The following NDRG4 variants were observed in gnomAD, a reference collection of about 807,000 sequenced individuals.
The protein encoded by NDRG4 is protein NDRG4.
In NDRG4, 38 loss-of-function variants were observed where a neutral mutation model predicts 55.8. The ratio of observed to expected loss-of-function variants is 0.68; its 90% confidence interval spans 0.53 to 0.89. The LOEUF (loss-of-function observed/expected upper bound fraction) is 0.89. Ranked by LOEUF, NDRG4 falls within the 40% of genes least tolerant of loss-of-function variation. NDRG4 has a pLI of 0.00. For synonymous variants in NDRG4, 190 were observed against 182.7 expected (o/e 1.04, Z -0.32); for missense variants, 455 against 468.6 (o/e 0.97, Z 0.27).
At chr16:58,501,236 TC>T (rs2037055639) in intron 1 of NDRG4, 2 of 411,154 alleles carry the variant, frequency 4.9e-6, no homozygotes, top group Non-Finnish European at 8.4e-6. Flanking sequence ...GCAGACCCTG[TC>T]CCCTGAATTA....
chr16:58,504,327 A>G (rs567009711), intron 3 of NDRG4, 32 bp from the exon 4 acceptor site: 1 of 1,613,826 alleles, frequency 6.2e-7, no homozygotes, highest in African/African-American at 1.3e-5. Context: ...CTGAGGCCAC[A>G]CCTGGGCCCT....
intron 1 of NDRG4, among the ~76,000 whole-genome samples, chr16:58,470,974 T>G (rs1222395159): frequency 6.6e-6 from 1 of 151,152 alleles, no homozygotes; most frequent in Non-Finnish European, 1.5e-5. Context: ...GTGATATGAT[T>G]GCTTCAGCAA....
At chr16:58,510,250 G>A (rs1326778554) in intron 13 of NDRG4, among the ~76,000 whole-genome samples, 4 of 152,234 alleles carry the variant, frequency 2.6e-5, no homozygotes, top group African/African-American at 4.8e-5. Context: ...AAGCATTTGC[G>A]AGGTGAACGG....
chr16:58,464,402 C>A lies in NDRG4; in HGVS notation c.-24+605C>A. On this transcript the variant is annotated intron_variant, in intron 1 of 15. Coordinates refer to the NDRG4 transcript ENST00000258187. The surrounding 1 kb of genome is among the most constrained non-coding windows in gnomAD (Gnocchi z 4.8). ...CGAGCGCGCTGCCCCGACGCCGCCA[C>A]CCAGAGCCGGGCCGCGCCGGGCGCC... 2 of 1,372,736 alleles carry A rather than the reference C, an allele frequency of 1.5e-6. No homozygotes were observed. The highest frequency in any genetic ancestry group is 1.9e-6 in the Non-Finnish European group (2 of 1,066,172). 85.0% of individuals were successfully genotyped at this position (1,372,736 alleles called of 1,614,324 possible).
At chr16:58,477,188 G>C (rs144562968) in intron 1 of NDRG4, among the ~76,000 whole-genome samples, 7 of 151,486 alleles carry the variant, frequency 4.6e-5, no homozygotes, top group African/African-American at 1.7e-4. Flanking sequence ...GTATGTGTGT[G>C]TGTTAGTGTC....
intron 1 of NDRG4, among the ~76,000 whole-genome samples, chr16:58,479,474 G>T (rs991887584): frequency 6.6e-6 from 1 of 152,120 alleles, no homozygotes; most frequent in Admixed American, 6.6e-5. Context: ...ATAAATACCT[G>T]GACACAGAAT....
intron 1 of NDRG4, chr16:58,501,011 C>T (rs932487081): frequency 1.4e-5 from 18 of 1,245,474 alleles, no homozygotes; most frequent in Admixed American, 8.4e-5. Flanking sequence ...ACGCTGGAGC[C>T]GTGAAGCTGG....
intron 1 of NDRG4, chr16:58,487,741 G>GCCCT: frequency 6.6e-7 from 1 of 1,517,382 alleles, no homozygotes; most frequent in South Asian, 1.2e-5. Context: ...CCTCAACCTC[G>GCCCT]CCCTCCCTCC....
chr16:58,506,185 G>C (rs1324398628), intron 5 of NDRG4: 2 of 634,586 alleles, frequency 3.2e-6, no homozygotes, highest in East Asian at 6.1e-5. Flanking sequence ...TGGAAACAAT[G>C]ATAGAGATTC....
rs906008307 is a variant in NDRG4 at position 58,487,518 on chromosome 16, TA to T, written c.-23-224del. Among the ~76,000 whole-genome samples, 108 of 148,406 alleles carry T rather than the reference TA, an allele frequency of 7.3e-4. No individual in the cohort carries two copies. The highest frequency in any genetic ancestry group is 8.5e-4 in the African/African-American group (34 of 40,218). On this transcript the variant is annotated intron_variant, in intron 1 of 15. Transcript: ENST00000258187. ...CTGGGTGACAGAGTGAGACTCCGTG[TA>T]AAAAAAAAAAAAAGAAAAACGGAAA...
intron 1 of NDRG4, among the ~76,000 whole-genome samples, chr16:58,486,700 TACACACACACACACAC>T (rs56119933): frequency 0.015 from 1,959 of 128,124 alleles, 22 homozygotes; most frequent in Non-Finnish European, 0.022. Context: ...CACTGGCTCC[TACACACACACACACAC>T]ACACACACAC....
chr16:58,480,828 T>C (rs2034294578), intron 1 of NDRG4, among the ~76,000 whole-genome samples: 1 of 151,946 alleles, frequency 6.6e-6, no homozygotes. Context: ...GCCAACATGG[T>C]GAAACCCCAT....
intron 1 of NDRG4, chr16:58,501,754 T>C (rs1453361438): frequency 3.1e-6 from 1 of 319,542 alleles, no homozygotes; most frequent in Non-Finnish European, 6.4e-6. Flanking sequence ...CCTGATCACG[T>C]CACCTCAGGG....
chr16:58,508,008 G>A lies in NDRG4; in HGVS notation c.729+9G>A. On this transcript the variant is annotated intron_variant, in intron 10 of 14. Coordinates refer to ENST00000570248, the MANE Select transcript of NDRG4 (RefSeq NM_001242835.2). ...CCGCTGAGGACGGGGTGGTAAGTGA[G>A]GGGCTGTGGGCTCACTGGGGGTGGG... 1 of 1,554,708 alleles carries A rather than the reference G, an allele frequency of 6.4e-7. No individual in the cohort carries two copies. The highest frequency in any genetic ancestry group is 8.7e-7 in the Non-Finnish European group (1 of 1,145,926).
rs544299782 is a variant in NDRG4 at position 58,465,049 on chromosome 16, G to A, written c.-24+1252G>A. 476 of 1,270,244 alleles carry A rather than the reference G, an allele frequency of 3.7e-4. 2 individuals carry two copies. The highest frequency in any genetic ancestry group is 4.5e-4 in the Non-Finnish European group (441 of 978,812). The allele number at this position is 1,270,244 out of a possible 1,614,324, so 78.7% of individuals were successfully genotyped here. Reference sequence around the variant, plus strand: ...CCAGGGGGCAGTGGCTGGAGAGCAAGAGCGAACGGTCAGGAAGAGGAGGTG... The same window carrying A: ...CCAGGGGGCAGTGGCTGGAGAGCAAAAGCGAACGGTCAGGAAGAGGAGGTG... On this transcript the variant is annotated intron_variant, in intron 1 of 15. Transcript: ENST00000258187.
At chr16:58,488,051 T>C (rs915017838) in intron 2 of NDRG4, among the ~76,000 whole-genome samples, 1 of 152,014 alleles carries the variant, frequency 6.6e-6, no homozygotes, top group Non-Finnish European at 1.5e-5. Flanking sequence ...TCAGCCGTCT[T>C]TGAGGCTAAA....
chr16:58,501,206 G>T, intron 1 of NDRG4: 2 of 495,456 alleles, frequency 4.0e-6, no homozygotes, highest in African/African-American at 2.0e-5. Context: ...AGGTGACGAC[G>T]TCAGCACCTG....
chr16:58,510,717 G>A (rs1053483915), intron 14 of NDRG4, 34 bp downstream of exon 14: 20 of 1,531,230 alleles, frequency 1.3e-5, no homozygotes, highest in African/African-American at 2.7e-5. Flanking sequence ...ATGCATGGAC[G>A]CCCAGCCTCC....
Position 58,509,187 on chromosome 16 carries a change from C to T in NDRG4, c.811C>T (p.Gln271Ter). The T allele has an allele frequency of 6.2e-7, 1 of 1,614,048 alleles. No individual in the cohort carries two copies. Among genetic ancestry groups the T allele is most frequent in the Non-Finnish European group, 8.5e-7 (1 of 1,180,036 alleles). Residue 271 changes from glutamine (Q) to a stop codon, truncating the protein, a stop_gained and splice_region_variant, in exon 12 of 15, where the codon CAG (glutamine) becomes TAG (stop). Transcript: ENST00000570248. LOFTEE classifies it high-confidence loss of function. ...CTCTGGAGGGCTGCCCCAGGTCACA[C>T]AGGTGAGACTTTTGGCCCTCCTGCC... ...ADSGGLPQVT[Q>*]PGKLTEAFKY...
Sources: allele counts gnomAD v4.1 joint callset (sites outside exome capture counted in the v4.1 genomes callset), GRCh38; gene constraint gnomAD v4.1.1; non-coding constraint Gnocchi (gnomAD v3.1); transcripts MANE v1.5; gene names NCBI Gene and HGNC (gene_info 2026-07-23, HGNC 2026-07-21).